Variants in TMED10 observed in about 807,000 individuals in gnomAD.
TMED10 encodes transmembrane emp24 domain-containing protein 10.
TMED10 carries 7 observed loss-of-function variants against 23.1 expected under a neutral mutation model. The ratio of observed to expected loss-of-function variants is 0.30; its 90% CI spans 0.17 to 0.57. The LOEUF is 0.57. Among genes scored for constraint, TMED10 ranks in the 20% least tolerant of loss-of-function variants. The pLI is 0.91. For synonymous variants in TMED10, 113 were observed against 106.9 expected, an observed-to-expected ratio of 1.06 and a Z score of -0.35; for missense variants, 162 against 274.8, an observed-to-expected ratio of 0.59 and a Z score of 2.90.
rs771947470 is a variant in TMED10 at position 75,135,746 on chromosome 14, G to A, written c.538+14C>T. 20 of 1,611,246 alleles carry A rather than the reference G, an allele frequency of 1.2e-5. No homozygotes were observed. The East Asian group carries it at 2.9e-4, about 23-fold the overall frequency. ...ATGGGTCACTTAAGAAGTAAGAGTCGCCTTCCCCCTCACCGTTGGTATCAC... is the reference window on the plus strand; with the variant it reads ...ATGGGTCACTTAAGAAGTAAGAGTCACCTTCCCCCTCACCGTTGGTATCAC... On this transcript the variant is annotated intron_variant, in intron 4 of 4. Coordinates refer to ENST00000303575, the MANE Select transcript of TMED10 (RefSeq NM_006827.6).
At position 75,147,649 on chromosome 14, in the gene TMED10, T is replaced by TA. The variant is rs1371598491; in HGVS notation, c.411+14dup. Reference sequence around the variant, plus strand: ...GCACACTGCTGCCTCCTCTGGCTGTTAGAGCAGGACATACCTCTTCGTAAT... The same window carrying TA: ...GCACACTGCTGCCTCCTCTGGCTGTTAAGAGCAGGACATACCTCTTCGTAAT... On this transcript the variant is annotated intron_variant, in intron 3 of 4. Transcript: ENST00000303575. The TA allele has an allele frequency of 1.9e-6, 3 of 1,613,716 alleles. No individual in the cohort carries two copies. Among genetic ancestry groups the TA allele is most frequent in the Non-Finnish European group, 2.5e-6 (3 of 1,179,752 alleles).
intron 1 of TMED10, among the ~76,000 whole-genome samples, chr14:75,164,380 C>T (rs560244388): frequency 1.5e-3 from 220 of 149,526 alleles, no homozygotes; most frequent in East Asian, 9.5e-3. Context: ...TACAGGTGTG[C>T]GCCACCAGGC....
chr14:75,159,314 GGC>G (rs1896058865), intron 1 of TMED10, among the ~76,000 whole-genome samples: 1 of 152,202 alleles, frequency 6.6e-6, no homozygotes, highest in Admixed American at 6.5e-5. Context: ...GAAGGAAGAA[GGC>G]TAATAATTAC....
In TMED10 at chr14:75,133,943, C is replaced by A; in HGVS notation, c.*942G>T. ...AGGAAGAAACTATTCATACATGCAA[C>A]AACTTGGATGGATTTCAAGGGAATT... On this transcript the variant is annotated 3_prime_UTR_variant, in exon 5 of 5. Coordinates refer to ENST00000303575, the MANE Select transcript of TMED10 (RefSeq NM_006827.6). 7.3e-6 allele frequency: 2 copies of A among 272,684 alleles called. No individual in the cohort carries two copies. The highest frequency in any genetic ancestry group is 3.2e-5 in the South Asian group (1 of 31,268). 16.9% of individuals were successfully genotyped at this position (272,684 alleles called of 1,614,324 possible). A position where few individuals can be genotyped will look rare whatever the true frequency, so the allele number is the denominator to read the frequency against.
intron 1 of TMED10, among the ~76,000 whole-genome samples, chr14:75,163,034 A>G (rs557378292): frequency 3.9e-5 from 6 of 152,024 alleles, no homozygotes; most frequent in Non-Finnish European, 8.8e-5. Flanking sequence ...CAGGAATTTG[A>G]GACCAGCCTG....
intron 1 of TMED10, among the ~76,000 whole-genome samples, chr14:75,174,356 G>C (rs912929096): frequency 2.0e-5 from 3 of 152,128 alleles, no homozygotes; most frequent in Non-Finnish European, 4.4e-5. Flanking sequence ...AACAAAGCAT[G>C]TTGAGAAATT....
chr14:75,135,996 T>G, intron 3 of TMED10, 110 bp from the exon 4 acceptor site: 1 of 1,436,524 alleles, frequency 7.0e-7, no homozygotes, highest in Non-Finnish European at 9.4e-7. Flanking sequence ...TTAAATTCTC[T>G]CCTATCAATC....
chr14:75,159,380 T>C (rs1014389298), intron 1 of TMED10, among the ~76,000 whole-genome samples: 1 of 152,228 alleles, frequency 6.6e-6, no homozygotes, highest in African/African-American at 2.4e-5. Flanking sequence ...CAGCCTGGAA[T>C]AAGCATCAAG....
At chr14:75,141,230 G>C (rs538208722) in intron 3 of TMED10, among the ~76,000 whole-genome samples, 8 of 152,190 alleles carry the variant, frequency 5.3e-5, no homozygotes, top group Non-Finnish European at 1.2e-4. Flanking sequence ...CAGGACTTTT[G>C]AGAGGGCATT....
At position 75,133,261 on chromosome 14, in the gene TMED10, G is replaced by A. The variant is rs1361923396; in HGVS notation, c.*1624C>T. 6.6e-6 allele frequency: 1 copy of A among 151,860 alleles called. No individual in the cohort carries two copies. The highest frequency in any genetic ancestry group is 2.4e-5 in the African/African-American group (1 of 41,306). 9.4% of individuals were successfully genotyped at this position (151,860 alleles called of 1,614,324 possible). ...ATATCTAACAGAGGAATTTTATCTA[G>A]GATATATAAAAAACCTCTCAAAACT... On this transcript the variant is annotated 3_prime_UTR_variant, in exon 5 of 5. Transcript: ENST00000303575.
chr14:75,159,632 C>G (rs1053311059), intron 1 of TMED10, among the ~76,000 whole-genome samples: 2 of 152,130 alleles, frequency 1.3e-5, no homozygotes, highest in African/African-American at 4.8e-5. Flanking sequence ...AGGAGTCTCT[C>G]TACATCATAA....
intron 1 of TMED10, 188 bp downstream of exon 1, chr14:75,176,164 TTGG>T: frequency 9.0e-6 from 6 of 666,058 alleles, no homozygotes; most frequent in Non-Finnish European, 1.5e-5. Context: ...TTCCCAGGCG[TTGG>T]TGACCCGCCC....
chr14:75,156,844 G>A (rs1896024417), intron 1 of TMED10, among the ~76,000 whole-genome samples: 2 of 151,232 alleles, frequency 1.3e-5, no homozygotes, highest in South Asian at 2.1e-4. Flanking sequence ...CAGGAGAATC[G>A]TTTGAAACCA....
rs1896224964 is a variant in TMED10, at chr14:75,170,833, G to C, written c.225+5522C>G. On this transcript the variant is annotated intron_variant, in intron 1 of 4. Coordinates refer to ENST00000303575, the MANE Select transcript of TMED10 (RefSeq NM_006827.6). The stretch of plus-strand genomic sequence containing the variant: ...ATTTCAGCTAATAAATATGGAAGGA[G>C]TAACGGAATTAGAAAGTCATCATTT... 2.0e-5 allele frequency among the ~76,000 whole-genome samples: 3 copies of C among 152,144 alleles called. No homozygotes were observed. The South Asian group carries it at 6.2e-4, about 31-fold the overall frequency.
At chr14:75,168,779 G>C (rs149441903) in intron 1 of TMED10, among the ~76,000 whole-genome samples, 2 of 152,274 alleles carry the variant, frequency 1.3e-5, no homozygotes, top group East Asian at 3.9e-4. Context: ...ATACAACAAT[G>C]TGTACGTTAA....
rs1044880649 is a variant in TMED10, at chr14:75,131,609, G to T, written c.*3276C>A. ...TTTATGACAGGGGTCCATGACAATG[G>T]TATAACAAGGCTTACTTAAACTGCA... On this transcript the variant is annotated 3_prime_UTR_variant, in exon 5 of 5. Transcript: ENST00000303575. The T allele has an allele frequency of 6.6e-6, 1 of 152,540 alleles. No homozygotes were observed. Among genetic ancestry groups the T allele is most frequent in the East Asian group, 1.9e-4 (1 of 5,200 alleles). 9.4% of individuals were successfully genotyped at this position (152,540 alleles called of 1,614,324 possible).
At chr14:75,139,859 A>G (rs1293600699) in intron 3 of TMED10, among the ~76,000 whole-genome samples, 1 of 152,184 alleles carries the variant, frequency 6.6e-6, no homozygotes, top group Non-Finnish European at 1.5e-5. Context: ...CCAAACACCT[A>G]GTACACCATG....
chr14:75,137,333 T>C (rs1895762207), intron 3 of TMED10, among the ~76,000 whole-genome samples: 1 of 150,728 alleles, frequency 6.6e-6, no homozygotes, highest in African/African-American at 2.4e-5. Context: ...TTAAAACTTT[T>C]ACATACCAGT....
In TMED10 at chr14:75,132,505, A is replaced by T. The variant is rs1895699652; in HGVS notation, c.*2380T>A. 1 of 151,394 alleles carries T rather than the reference A, an allele frequency of 6.6e-6. No individual in the cohort carries two copies. The highest frequency in any genetic ancestry group is 6.6e-5 in the Admixed American group (1 of 15,156). 9.4% of individuals were successfully genotyped at this position (151,394 alleles called of 1,614,324 possible). A position where few individuals can be genotyped will look rare whatever the true frequency, so the allele number is the denominator to read the frequency against. The stretch of plus-strand genomic sequence containing the variant: ...AATACTACAGATAGACTTTCTCAAC[A>T]TTTGCTGCCTATGCTAAGGATCTGC... On this transcript the variant is annotated 3_prime_UTR_variant, in exon 5 of 5. Coordinates refer to ENST00000303575, the MANE Select transcript of TMED10 (RefSeq NM_006827.6).
Sources: gnomAD v4.1 joint callset for allele counts (sites outside exome capture counted in the v4.1 genomes callset) on GRCh38, gnomAD v4.1.1 for gene constraint, MANE v1.5 for transcripts, NCBI Gene and HGNC (gene_info 2026-07-23, HGNC 2026-07-21) for gene names.